Variants in NR4A1 observed in about 807,000 individuals in gnomAD.
NR4A1 encodes nuclear receptor subfamily 4 group A member 1.
A neutral mutation model predicts 47.5 loss-of-function variants in NR4A1; 24 were observed. The observed-to-expected ratio is 0.50, with a 90% CI of 0.37 to 0.71. The LOEUF is 0.71. NR4A1 is among the 30% of genes least tolerant of loss of function. The probability of loss-of-function intolerance (pLI) is 0.00; values close to 1 mark genes in which losing one functional copy is unlikely to be tolerated. For synonymous variants in NR4A1, 353 were observed against 345.7 expected, an observed-to-expected ratio of 1.02 and a Z score of -0.24; for missense variants, 669 against 788.6, an observed-to-expected ratio of 0.85 and a Z score of 1.82.
exon 2 of NR4A1, chr12:52,041,867 G>A: frequency 6.5e-7 from 1 of 1,529,584 alleles, no homozygotes; most frequent in Non-Finnish European, 8.8e-7. Context: ...GGCTCCTTCT[G>A]CTGGGCCCTG....
chr12:52,032,401 G>A (rs984374935), intron 1 of NR4A1, among the ~76,000 whole-genome samples: 8 of 152,206 alleles, frequency 5.3e-5, no homozygotes, highest in African/African-American at 1.9e-4. Context: ...ACTCCAGCTT[G>A]CGGAGGGCAG....
At chr12:52,049,347 A>G (rs1213629136), upstream of NR4A1, among the ~76,000 whole-genome samples, 3 of 152,208 alleles carry the variant, frequency 2.0e-5, no homozygotes, top group Non-Finnish European at 4.4e-5. Context: ...GTGTATGAAG[A>G]CTGCTCCATC....
chr12:52,031,550 T>C (rs550737207), intron 1 of NR4A1, among the ~76,000 whole-genome samples: 1 of 151,628 alleles, frequency 6.6e-6, no homozygotes, highest in African/African-American at 2.4e-5. Context: ...GGTAGGAGAA[T>C]GGCTTGAACC....
At position 52,041,959 on chromosome 12, in the gene NR4A1, C is replaced by G. The variant is rs772590463; in HGVS notation, c.37+30C>G. ...GTGCTCTGCTATTGTCCTTTGTACA[C>G]CCCTCCAGCAGGTGGGGTTGGGGGG... On this transcript the variant is annotated intron_variant, in intron 2 of 7. Transcript: ENST00000360284. 2.3e-6 allele frequency: 3 copies of G among 1,315,738 alleles called. No homozygotes were observed. In the East Asian group the frequency reaches 8.5e-5, roughly 37 times the overall value. 81.5% of individuals were successfully genotyped at this position (1,315,738 alleles called of 1,614,324 possible). A position where few individuals can be genotyped will look rare whatever the true frequency, so the allele number is the denominator to read the frequency against.
upstream of NR4A1, among the ~76,000 whole-genome samples, chr12:52,047,179 C>T (rs556982871): frequency 2.3e-4 from 35 of 152,286 alleles, 1 homozygote; most frequent in African/African-American, 7.7e-4. Flanking sequence ...CCCATCTCCC[C>T]GACAATTAGC....
At chr12:52,030,403 G>A (rs922565070) in intron 1 of NR4A1, among the ~76,000 whole-genome samples, 1 of 152,092 alleles carries the variant, frequency 6.6e-6, no homozygotes, top group Non-Finnish European at 1.5e-5. Context: ...CACTGGACAT[G>A]TTTACTTAAC....
intron 2 of NR4A1, chr12:52,055,595 G>A (rs1410095970): frequency 2.1e-6 from 1 of 466,948 alleles, no homozygotes; most frequent in Non-Finnish European, 3.8e-6. Context: ...CCCTGCGGAG[G>A]GTTTGGTTCT....
chr12:52,035,671 A>G (rs1054335125), intron 1 of NR4A1, among the ~76,000 whole-genome samples: 1 of 152,124 alleles, frequency 6.6e-6, no homozygotes, highest in African/African-American at 2.4e-5. Context: ...AACCTGGGAG[A>G]GAAATGTACA....
At chr12:52,057,653 C>G (rs1220170341) in intron 6 of NR4A1, 123 bp downstream of exon 6, 1 of 1,055,728 alleles carries the variant, frequency 9.5e-7, no homozygotes, top group East Asian at 2.5e-5. Flanking sequence ...GGCCCCTGCA[C>G]TGCCCCGGGC....
At chr12:52,051,412 G>A (rs1387833933), upstream of NR4A1, 2 of 985,418 alleles carry the variant, frequency 2.0e-6, no homozygotes, top group Admixed American at 6.1e-5. Flanking sequence ...GTCACGGAGC[G>A]CTTAAGAGGA....
At position 52,058,980 on chromosome 12, in the gene NR4A1, T is replaced by C. The variant is rs377389753; in HGVS notation, c.*36T>C. 175 of 1,580,526 alleles carry C rather than the reference T, an allele frequency of 1.1e-4. 2 individuals carry two copies. In the African/African-American group the frequency reaches 2.2e-3, roughly 20 times the overall value. Reference sequence around the variant, plus strand: ...GGAACACGTGTGCACATGCGCACTCTCATATGCCACCCCATGTGCCTTTAG... The same window carrying C: ...GGAACACGTGTGCACATGCGCACTCCCATATGCCACCCCATGTGCCTTTAG... On this transcript the variant is annotated 3_prime_UTR_variant, in exon 7 of 7. Transcript: ENST00000394825.
chr12:52,048,460 G>A (rs1244014098), upstream of NR4A1, among the ~76,000 whole-genome samples: 4 of 152,018 alleles, frequency 2.6e-5, no homozygotes, highest in Non-Finnish European at 4.4e-5. Flanking sequence ...CTGGCGTGGT[G>A]GCAGGCACCT....
chr12:52,051,334 C>A, upstream of NR4A1: 1 of 940,774 alleles, frequency 1.1e-6, no homozygotes, highest in Non-Finnish European at 1.3e-6. Context: ...GCACCGCCCC[C>A]CGCGCCCTTG....
At position 52,054,960 on chromosome 12, in the gene NR4A1, C is replaced by G; in HGVS notation, c.632C>G (p.Pro211Arg). ...SLAQSPLKLF[P>R]SQATHQLGEG... The stretch of plus-strand genomic sequence containing the variant: ...GCCCAGAGCCCCCTGAAGTTGTTCC[C>G]CTCACAGGCCACCCACCAGCTGGGG... The change falls in exon 2 of 7, where the codon CCC becomes CGC. Residue 211 changes from proline (P) to arginine (R), a missense_variant. Transcript: ENST00000394825. 1 of 1,614,214 alleles carries G rather than the reference C, an allele frequency of 6.2e-7. No homozygotes were observed. Among genetic ancestry groups the G allele is most frequent in the Non-Finnish European group, 8.5e-7 (1 of 1,180,038 alleles).
In NR4A1 at chr12:52,054,914, A is replaced by G. The variant is rs749653126; in HGVS notation, c.586A>G (p.Thr196Ala). ...AGCCTTCTTTTCCTTCAGTCCTCCC[A>G]CCGGCCCCAGCCCCAGCCTGGCCCA... ...PPAFFSFSPP[T>A]GPSPSLAQSP... The change falls in exon 2 of 7, where the codon ACC (threonine) becomes GCC (alanine). Residue 196 changes from threonine (T) to alanine (A), a missense_variant. Coordinates refer to ENST00000394825, the MANE Select transcript of NR4A1 (RefSeq NM_173157.3). The G allele has an allele frequency of 7.3e-5, 117 of 1,613,740 alleles. No individual in the cohort carries two copies. The highest frequency in any genetic ancestry group is 1.0e-4 in the Admixed American group (6 of 59,980).
upstream of NR4A1, among the ~76,000 whole-genome samples, chr12:52,047,831 G>A (rs1441198112): frequency 6.6e-6 from 1 of 152,252 alleles, no homozygotes; most frequent in Admixed American, 6.5e-5. Context: ...GAGGGTGCCT[G>A]AGCTTGAGGC....
At chr12:52,046,881 G>A (rs1938667697), upstream of NR4A1, among the ~76,000 whole-genome samples, 1 of 152,160 alleles carries the variant, frequency 6.6e-6, no homozygotes. Flanking sequence ...TACTCAGGAG[G>A]CTACTAGGAG....
At chr12:52,049,745 A>G (rs1938827042), upstream of NR4A1, among the ~76,000 whole-genome samples, 1 of 152,228 alleles carries the variant, frequency 6.6e-6, no homozygotes, top group Non-Finnish European at 1.5e-5. Context: ...AAAGTTGCAA[A>G]TGGGGCATCA....
intron 2 of NR4A1, chr12:52,055,526 G>T (rs1939216027): frequency 1.8e-6 from 1 of 553,120 alleles, no homozygotes; most frequent in Admixed American, 3.5e-5. Flanking sequence ...CCCAACTCAA[G>T]GTTCTAGTGG....
Sources: gnomAD v4.1 joint callset for allele counts (sites outside exome capture counted in the v4.1 genomes callset) on GRCh38, gnomAD v4.1.1 for gene constraint, MANE v1.5 for transcripts, NCBI Gene and HGNC (gene_info 2026-07-23, HGNC 2026-07-21) for gene names.